Variants in FBN1 observed in about 807,000 individuals in gnomAD.
The protein encoded by FBN1 is fibrillin 1.
In FBN1, 29 loss-of-function variants were observed where a neutral mutation model predicts 365.1. The observed-to-expected ratio is 0.08, with a 90% CI of 0.06 to 0.11. The LOEUF (loss-of-function observed/expected upper bound fraction) is 0.11. Ranked by LOEUF, FBN1 falls within the 10% of genes least tolerant of loss-of-function variation. The probability of loss-of-function intolerance (pLI) is 1.00; values close to 1 mark genes in which losing one functional copy is unlikely to be tolerated. For synonymous variants in FBN1, 1,210 were observed against 1,270.5 expected, an observed-to-expected ratio of 0.95 and a Z score of 1.01; for missense variants, 2,476 against 3,703.2, an observed-to-expected ratio of 0.67 and a Z score of 8.60.
chr15:48,559,753 G>C (rs887285829), intron 6 of FBN1, among the ~76,000 whole-genome samples: 5 of 152,174 alleles, frequency 3.3e-5, no homozygotes, highest in African/African-American at 1.2e-4. Flanking sequence ...CATATCAGAA[G>C]ATTAGGACGA....
In FBN1 at chr15:48,485,432, G is replaced by A. The variant is rs760712674; in HGVS notation, c.3654C>T (p.Ser1218=). Reference sequence around the variant, plus strand: ...ATCCCGGCTGACAGCTACATTCATAGCTGCCTTCAGAGTTTGTGCAGAAGG... The same window carrying A: ...ATCCCGGCTGACAGCTACATTCATAACTGCCTTCAGAGTTTGTGCAGAAGG... ...CETFCTNSEG[S]YECSCQPGFA... Residue 1218 remains serine (S), a synonymous_variant, in exon 30 of 66, where the codon AGC becomes AGT. Transcript: ENST00000316623. 1.2e-6 allele frequency: 2 copies of A among 1,614,062 alleles called. No individual in the cohort carries two copies. The highest frequency in any genetic ancestry group is 2.7e-5 in the African/African-American group (2 of 74,930).
At chr15:48,529,739 CCAGTGT>C (rs1161167630) in intron 8 of FBN1, 1 of 152,442 alleles carries the variant, frequency 6.6e-6, no homozygotes, top group African/African-American at 2.4e-5. Flanking sequence ...CAAACTCAAC[CCAGTGT>C]AAAATGTATC....
At position 48,505,077 on chromosome 15, in the gene FBN1, T is replaced by A. The variant is rs886039089; in HGVS notation, c.1908A>T (p.Arg636Ser). 1.9e-6 allele frequency: 3 copies of A among 1,614,060 alleles called. No individual in the cohort carries two copies. Among genetic ancestry groups the A allele is most frequent in the Admixed American group, 1.7e-5 (1 of 60,008 alleles). Residue 636 changes from arginine (R) to serine (S), a missense_variant, in exon 16 of 66, where the codon AGA (arginine) becomes AGT (serine). Coordinates refer to ENST00000316623, the MANE Select transcript of FBN1 (RefSeq NM_000138.5). ...GRCVNTDGSYRCECFPGLAVG... is the reference protein window; with the variant it reads ...GRCVNTDGSYSCECFPGLAVG... ...CAGCCAGTCCAGGGAAGCATTCACA[T>A]CTGTAGGAGCCATCAGTGTTGACGC...
intron 2 of FBN1, among the ~76,000 whole-genome samples, chr15:48,622,678 C>T (rs1408578529): frequency 6.6e-6 from 1 of 152,090 alleles, no homozygotes; most frequent in Non-Finnish European, 1.5e-5. Flanking sequence ...TAATGTTAAA[C>T]ATCTCATTAT....
Position 48,613,029 on chromosome 15 carries a change from G to A in FBN1, c.228C>T (p.Gly76=), listed in dbSNP as rs141651917. ...YCCPGWKTLP[G]GNQCIVPICR... ...ACTTACGGACAATACACTGATTTCC[G>A]CCAGGTAAGGTTTTCCATCCAGGGC... is the stretch of plus-strand genomic sequence containing the variant. The change falls in exon 3 of 66, where the codon GGC becomes GGT. Residue 76 remains glycine (G), a synonymous_variant. Coordinates refer to ENST00000316623, the MANE Select transcript of FBN1 (RefSeq NM_000138.5). 4.0e-5 allele frequency: 64 copies of A among 1,612,938 alleles called. No homozygotes were observed. In the African/African-American group the frequency reaches 6.7e-4, roughly 17 times the overall value.
chr15:48,516,294 G>C lies in FBN1; in HGVS notation c.1216C>G (p.Leu406Val), dbSNP rs1257581073. 6 of 1,613,714 alleles carry C rather than the reference G, an allele frequency of 3.7e-6. No individual in the cohort carries two copies. In the Middle Eastern group the frequency reaches 5.0e-4, roughly 134 times the overall value. ...GGGAGAACTGGAGGAATGGGGCCAA[G>C]GGGTGGGGGAGGATATTCTGGTCTC... ...PGRPEYPPPP[L>V]GPIPPVLPVP... Residue 406 changes from leucine (L) to valine (V), a missense_variant, in exon 11 of 66, where the codon CTT (leucine) becomes GTT (valine). Transcript: ENST00000316623.
At chr15:48,563,104 T>C (rs2044236446) in intron 6 of FBN1, among the ~76,000 whole-genome samples, 1 of 152,294 alleles carries the variant, frequency 6.6e-6, no homozygotes, top group South Asian at 2.1e-4. Flanking sequence ...GTTTTACTCA[T>C]AGTCCTGTCT....
intron 13 of FBN1, among the ~76,000 whole-genome samples, chr15:48,511,310 T>C (rs557019752): frequency 6.4e-4 from 97 of 152,298 alleles, no homozygotes; most frequent in Admixed American, 1.4e-3. Flanking sequence ...GTCTGATCTT[T>C]GTGCCAACAA....
rs1227138504 is a variant in FBN1 at position 48,410,344 on chromosome 15, TTA to T, written c.*644_*645del. ...ATTACAAACCCTCACATTAAGGGCA[TTA>T]TTATTCTAGTTTATAAATGTTTCAA... is the stretch of plus-strand genomic sequence containing the variant. On this transcript the variant is annotated 3_prime_UTR_variant, in exon 66 of 66. Transcript: ENST00000316623. 1.3e-5 allele frequency: 2 copies of T among 152,820 alleles called. No individual in the cohort carries two copies. Among genetic ancestry groups the T allele is most frequent in the African/African-American group, 4.8e-5 (2 of 41,434 alleles). The allele number at this position is 152,820 out of a possible 1,614,324, so 9.5% of individuals were successfully genotyped here.
intron 8 of FBN1, among the ~76,000 whole-genome samples, chr15:48,533,478 C>T (rs929685575): frequency 1.6e-4 from 24 of 152,108 alleles, no homozygotes; most frequent in Non-Finnish European, 2.9e-4. Context: ...TAAACACATC[C>T]TCTGTATATA....
At chr15:48,514,257 A>G (rs995953723) in intron 12 of FBN1, among the ~76,000 whole-genome samples, 3 of 152,226 alleles carry the variant, frequency 2.0e-5, no homozygotes, top group Non-Finnish European at 4.4e-5. Flanking sequence ...CCCTACTTGT[A>G]AACAAGAGGA....
Position 48,460,232 on chromosome 15 carries a change from C to T in FBN1, c.5296+14G>A, listed in dbSNP as rs140650. 900 of 1,605,632 alleles carry T rather than the reference C, an allele frequency of 5.6e-4. 11 individuals carry two copies. The East Asian group carries it at 0.02, about 35-fold the overall frequency. The stretch of plus-strand genomic sequence containing the variant: ...AAAAAACCAGAAAGTTCTGACAATG[C>T]CGTCATGACTCACCAACGGGTAAAC... On this transcript the variant is annotated intron_variant, in intron 43 of 65. Transcript: ENST00000316623.
chr15:48,547,024 C>T (rs1047824662), intron 6 of FBN1, among the ~76,000 whole-genome samples: 2 of 152,020 alleles, frequency 1.3e-5, no homozygotes, highest in Non-Finnish European at 2.9e-5. Flanking sequence ...GAACAGGTAA[C>T]TTGAATTAGT....
rs770526904 is a variant in FBN1, at chr15:48,430,659, G to T, written c.6871+12C>A. ...GATGCACTCAAAGCTCCTTCCACAG[G>T]GATCCTCTTACCTACACAGCCTTCT... is the stretch of plus-strand genomic sequence containing the variant. On this transcript the variant is annotated intron_variant, in intron 56 of 65. Transcript: ENST00000316623. 5 of 1,613,286 alleles carry T rather than the reference G, an allele frequency of 3.1e-6. No individual in the cohort carries two copies. Among genetic ancestry groups the T allele is most frequent in the Non-Finnish European group, 4.2e-6 (5 of 1,179,726 alleles).
Position 48,411,356 on chromosome 15 carries a change from A to G in FBN1, c.8250T>C (p.Asn2750=). 1 of 1,614,060 alleles carries G rather than the reference A, an allele frequency of 6.2e-7. No individual in the cohort carries two copies. Residue 2750 remains asparagine (N), a synonymous_variant, in exon 66 of 66, where the codon AAT becomes AAC. Transcript: ENST00000316623. ...NIEDQSETEA[N]VSLASWDVEK... ...CAACATCCCAACTTGCAAGACTCAC[A>G]TTGGCTTCTGTCTCAGACTGATCCT...
Position 48,526,300 on chromosome 15 carries a change from T to C in FBN1, c.863-45A>G, listed in dbSNP as rs757815071. 3.7e-6 allele frequency: 6 copies of C among 1,607,862 alleles called. No individual in the cohort carries two copies. In the African/African-American group the frequency reaches 8.0e-5, roughly 21 times the overall value. On this transcript the variant is annotated intron_variant, in intron 8 of 65. Coordinates refer to ENST00000316623, the MANE Select transcript of FBN1 (RefSeq NM_000138.5). Reference sequence around the variant, plus strand: ...ATCTCAGCATTTGTAGAACACAATATAAAACCATTCGTCAGTAGAAGGACT... The same window carrying C: ...ATCTCAGCATTTGTAGAACACAATACAAAACCATTCGTCAGTAGAAGGACT...
At chr15:48,433,185 ACT>A (rs1232932189) in intron 54 of FBN1, among the ~76,000 whole-genome samples, 197 bp from the exon 55 acceptor site, 1 of 151,284 alleles carries the variant, frequency 6.6e-6, no homozygotes, top group Non-Finnish European at 1.5e-5. Context: ...AAACAGAGTG[ACT>A]CTCCATCCCG....
At position 48,526,043 on chromosome 15, in the gene FBN1, T is replaced by C. The variant is rs1360882990; in HGVS notation, c.988+87A>G. On this transcript the variant is annotated intron_variant, in intron 9 of 65. Transcript: ENST00000316623. ...ATTTTACCTCAGTTGATAAATTATA[T>C]GTGCTCCTTAACAAGCTTGTTTAGA... 6 of 1,530,458 alleles carry C rather than the reference T, an allele frequency of 3.9e-6. No individual in the cohort carries two copies. In the African/African-American group the frequency reaches 6.8e-5, roughly 17 times the overall value. 94.8% of individuals were successfully genotyped at this position (1,530,458 alleles called of 1,614,324 possible).
intron 2 of FBN1, among the ~76,000 whole-genome samples, chr15:48,614,341 T>C (rs1045711565): frequency 5.9e-5 from 9 of 152,202 alleles, no homozygotes; most frequent in African/African-American, 2.2e-4. Flanking sequence ...AAAACAACTG[T>C]ATAGCTAAAA....
Sources: gnomAD v4.1 joint callset for allele counts (sites outside exome capture counted in the v4.1 genomes callset) on GRCh38, gnomAD v4.1.1 for gene constraint, MANE v1.5 for transcripts, NCBI Gene and HGNC (gene_info 2026-07-23, HGNC 2026-07-21) for gene names.